Variants in MMP20 observed in about 807,000 individuals in gnomAD.
The protein encoded by MMP20 is matrix metallopeptidase 20, also known as matrix metalloproteinase-20.
Under a neutral mutation model 51.8 loss-of-function variants are expected in MMP20, and 50 were observed. The ratio of observed to expected loss-of-function variants is 0.97; its 90% CI spans 0.77 to 1.22. The LOEUF (loss-of-function observed/expected upper bound fraction) is 1.22. MMP20 is among the 50% of genes most tolerant of loss of function. MMP20 has a pLI of 0.00. For synonymous variants in MMP20, 244 were observed against 216.2 expected, an observed-to-expected ratio of 1.13 and a Z score of -1.13; for missense variants, 663 against 601.4, an observed-to-expected ratio of 1.10 and a Z score of -1.07.
At chr11:102,577,491 T>C (rs939714732) in intron 9 of MMP20, 65 bp from the exon 10 acceptor site, 5 of 1,122,490 alleles carry the variant, frequency 4.5e-6, no homozygotes, top group Non-Finnish European at 5.4e-6. Context: ...ATGGAAGAAT[T>C]TGTCACTGTC....
At chr11:102,620,318 G>C (rs1859733679) in intron 1 of MMP20, among the ~76,000 whole-genome samples, 1 of 152,172 alleles carries the variant, frequency 6.6e-6, no homozygotes, top group Non-Finnish European at 1.5e-5. Context: ...TTACTGACAA[G>C]GTTTTGGCAT....
chr11:102,606,021 TCATC>T (rs1413912830), intron 6 of MMP20, among the ~76,000 whole-genome samples: 1 of 152,150 alleles, frequency 6.6e-6, no homozygotes, highest in Non-Finnish European at 1.5e-5. Context: ...ATCCATCTGA[TCATC>T]CATCCATCCA....
intron 2 of MMP20, among the ~76,000 whole-genome samples, chr11:102,616,190 C>T (rs1271622475): frequency 2.0e-5 from 3 of 152,112 alleles, no homozygotes; most frequent in Non-Finnish European, 4.4e-5. Flanking sequence ...GCTTTGCCTT[C>T]GAATCAGGCT....
intron 6 of MMP20, among the ~76,000 whole-genome samples, chr11:102,599,939 C>T (rs1859426066): frequency 6.6e-6 from 1 of 152,200 alleles, no homozygotes; most frequent in South Asian, 2.1e-4. Context: ...TTGTACCCAT[C>T]TGAAGAGCCC....
chr11:102,601,935 T>A (rs962505503), intron 6 of MMP20, among the ~76,000 whole-genome samples: 1 of 140,062 alleles, frequency 7.1e-6, no homozygotes, highest in Non-Finnish European at 1.5e-5. Context: ...TAAAAATGCT[T>A]TTCTTTTCTT....
chr11:102,599,221 T>C (rs1192965561), intron 6 of MMP20, among the ~76,000 whole-genome samples: 1 of 152,128 alleles, frequency 6.6e-6, no homozygotes, highest in African/African-American at 2.4e-5. Flanking sequence ...GGTTTGACCA[T>C]GTTGGCCAGG....
chr11:102,616,802 A>G lies in MMP20; in HGVS notation c.374+10T>C. The G allele has an allele frequency of 6.2e-7, 1 of 1,614,070 alleles. No homozygotes were observed. ...TTTTCTCTGAATTTGGAAAGACTTG[A>G]TCTCATTACCTGTATGTCAAAGTAT... On this transcript the variant is annotated intron_variant, in intron 2 of 9. Transcript: ENST00000260228.
intron 6 of MMP20, among the ~76,000 whole-genome samples, chr11:102,601,658 T>C (rs1002892964): frequency 1.3e-5 from 2 of 152,210 alleles, no homozygotes; most frequent in African/African-American, 4.8e-5. Context: ...CTAGCTTATT[T>C]CTATGAAACT....
chr11:102,619,275 C>T (rs1859716983), intron 1 of MMP20, among the ~76,000 whole-genome samples: 1 of 152,126 alleles, frequency 6.6e-6, no homozygotes, highest in African/African-American at 2.4e-5. Flanking sequence ...TCCTCTGTGT[C>T]TCTGAGATCA....
At chr11:102,615,288 A>C (rs565671463) in intron 2 of MMP20, among the ~76,000 whole-genome samples, 2 of 148,012 alleles carry the variant, frequency 1.4e-5, no homozygotes, top group African/African-American at 2.5e-5. Context: ...TAATTTATTT[A>C]ATATAATATA....
intron 8 of MMP20, among the ~76,000 whole-genome samples, chr11:102,584,103 A>G (rs1192025477): frequency 6.6e-6 from 1 of 152,150 alleles, no homozygotes; most frequent in Non-Finnish European, 1.5e-5. Flanking sequence ...GTATACAGCT[A>G]TTATGTGGAC....
chr11:102,577,267 A>T lies in MMP20; in HGVS notation c.*59T>A, dbSNP rs966518183. 8.7e-7 allele frequency: 1 copy of T among 1,154,066 alleles called. No individual in the cohort carries two copies. Among genetic ancestry groups the T allele is most frequent in the South Asian group, 1.2e-5 (1 of 81,382 alleles). 71.5% of individuals were successfully genotyped at this position (1,154,066 alleles called of 1,614,324 possible). A position where few individuals can be genotyped will look rare whatever the true frequency, so the allele number is the denominator to read the frequency against. On this transcript the variant is annotated 3_prime_UTR_variant, in exon 10 of 10. Transcript: ENST00000260228. ...CCTACATTCTGCTTTAGTCCTTAAG[A>T]TCCAGTTAGAGGCTGCTTGTAGTCA...
intron 2 of MMP20, among the ~76,000 whole-genome samples, chr11:102,614,999 A>G (rs1711410): frequency 0.44 from 66,362 of 149,812 alleles, 14,878 homozygotes; most frequent in South Asian, 0.59. Context: ...TAGTGAAATA[A>G]GAGGCAATAT....
chr11:102,605,868 A>T (rs1475579744), intron 6 of MMP20, among the ~76,000 whole-genome samples: 2 of 152,206 alleles, frequency 1.3e-5, no homozygotes, highest in Non-Finnish European at 1.5e-5. Flanking sequence ...AGTAACCAGC[A>T]TCATGGAGAC....
chr11:102,583,789 A>G (rs1859222480), intron 8 of MMP20, among the ~76,000 whole-genome samples: 1 of 152,182 alleles, frequency 6.6e-6, no homozygotes, highest in Admixed American at 6.5e-5. Flanking sequence ...CCCATACTCC[A>G]CATCCTCATC....
chr11:102,611,780 A>G lies in MMP20; in HGVS notation c.498T>C (p.Asp166=). Residue 166 remains aspartate, a synonymous_variant, in exon 3 of 10, where the codon GAT becomes GAC. Coordinates refer to ENST00000260228, the MANE Select transcript of MMP20 (RefSeq NM_004771.4). ...CTCCATTTTCAAAAGATATCATAAT[A>G]TCCGCTTCTCCTGAGTTTATTCTGA... ...SFVRINSGEA[D]IMISFENGDH... 1.2e-6 allele frequency: 2 copies of G among 1,614,234 alleles called. No homozygotes were observed. The highest frequency in any genetic ancestry group is 1.7e-6 in the Non-Finnish European group (2 of 1,180,042).
At chr11:102,577,510 A>C in intron 9 of MMP20, 84 bp from the exon 10 acceptor site, 1 of 969,272 alleles carries the variant, frequency 1.0e-6, no homozygotes, top group Non-Finnish European at 1.6e-6. Context: ...TCACTTTCTT[A>C]AAGTGTCACC....
In MMP20 at chr11:102,610,754, A is replaced by C. The variant is rs1370389021; in HGVS notation, c.524-724T>G. ...AATCTTAGTAAGGATACCCAGTTTTAGTTTGTTTTTTTTTTTTAAAAAGCC... is the reference window on the plus strand; with the variant it reads ...AATCTTAGTAAGGATACCCAGTTTTCGTTTGTTTTTTTTTTTTAAAAAGCC... On this transcript the variant is annotated intron_variant, in intron 3 of 9. Coordinates refer to ENST00000260228, the MANE Select transcript of MMP20 (RefSeq NM_004771.4). 3.3e-5 allele frequency among the ~76,000 whole-genome samples: 5 copies of C among 150,634 alleles called. No homozygotes were observed. In the South Asian group the frequency reaches 8.4e-4, roughly 25 times the overall value.
chr11:102,609,863 G>A (rs756241366), intron 4 of MMP20, 42 bp downstream of exon 4: 1 of 1,613,378 alleles, frequency 6.2e-7, no homozygotes, highest in Admixed American at 1.7e-5. Context: ...CCCAGAAGAA[G>A]GTACAATATT....
Sources: allele counts gnomAD v4.1 joint callset (sites outside exome capture counted in the v4.1 genomes callset), GRCh38; gene constraint gnomAD v4.1.1; transcripts MANE v1.5; gene names NCBI Gene and HGNC (gene_info 2026-07-23, HGNC 2026-07-21).